Variants in ENTPD1 observed in about 807,000 individuals in gnomAD.
The protein encoded by ENTPD1 is ATP diphosphohydrolase.
A neutral mutation model predicts 57.0 loss-of-function variants in ENTPD1; 33 were observed. The observed-to-expected ratio is 0.58, with a 90% CI of 0.44 to 0.77. The LOEUF is 0.77. Ranked by LOEUF, ENTPD1 falls within the 30% of genes least tolerant of loss-of-function variation. ENTPD1 has a pLI of 0.00. For missense variants in ENTPD1, 501 were observed against 603.4 expected (o/e 0.83, Z 1.78); for synonymous variants, 202 against 218.8 (o/e 0.92, Z 0.68).
At chr10:95,750,436 T>C (rs971945830) in intron 1 of ENTPD1, among the ~76,000 whole-genome samples, 1 of 152,116 alleles carries the variant, frequency 6.6e-6, no homozygotes, top group Non-Finnish European at 1.5e-5. Flanking sequence ...CCTTTCTCTC[T>C]CGTGCTCCCT....
chr10:95,827,728 C>T (rs1007236403), intron 2 of ENTPD1, among the ~76,000 whole-genome samples: 1 of 152,116 alleles, frequency 6.6e-6, no homozygotes, highest in African/African-American at 2.4e-5. Context: ...ATGATCTGCC[C>T]ACCTTGGCCT....
chr10:95,708,827 T>A (rs1159867099), upstream of ENTPD1, among the ~76,000 whole-genome samples: 2 of 152,070 alleles, frequency 1.3e-5, no homozygotes, highest in Non-Finnish European at 2.9e-5. Context: ...AGTTAAACAA[T>A]GTTTGTGTGG....
chr10:95,726,890 T>A (rs2097984234), intron 1 of ENTPD1, among the ~76,000 whole-genome samples: 1 of 152,156 alleles, frequency 6.6e-6, no homozygotes, highest in Non-Finnish European at 1.5e-5. Context: ...CCCAAATTCA[T>A]CCTTTTGAAC....
chr10:95,827,808 T>C (rs1215808291), intron 2 of ENTPD1, among the ~76,000 whole-genome samples: 1 of 152,348 alleles, frequency 6.6e-6, no homozygotes, highest in Non-Finnish European at 1.5e-5. Context: ...TAATGAGATA[T>C]GTTACATTCT....
At chr10:95,865,252 CTTG>C (rs1346679167) in intron 9 of ENTPD1, among the ~76,000 whole-genome samples, 1 of 152,168 alleles carries the variant, frequency 6.6e-6, no homozygotes, top group Non-Finnish European at 1.5e-5. Flanking sequence ...TTTCATCATC[CTTG>C]TTGGTTATTA....
Position 95,867,867 on chromosome 10 carries a change from C to T in ENTPD1, c.*1484C>T. 1.0e-6 allele frequency: 1 copy of T among 985,426 alleles called. No individual in the cohort carries two copies. The highest frequency in any genetic ancestry group is 1.2e-6 in the Non-Finnish European group (1 of 829,930). 61.0% of individuals were successfully genotyped at this position (985,426 alleles called of 1,614,324 possible). A position where few individuals can be genotyped will look rare whatever the true frequency, so the allele number is the denominator to read the frequency against. ...TCTTGAATGATCAAGTCACTTTTGACAACATCCAGGTGAATATAAAAACTT... is the reference window on the plus strand; with the variant it reads ...TCTTGAATGATCAAGTCACTTTTGATAACATCCAGGTGAATATAAAAACTT... On this transcript the variant is annotated 3_prime_UTR_variant, in exon 10 of 10. Coordinates refer to ENST00000371205, the MANE Select transcript of ENTPD1 (RefSeq NM_001776.6).
intron 1 of ENTPD1, among the ~76,000 whole-genome samples, chr10:95,770,440 T>A (rs528796252): frequency 1.3e-5 from 2 of 152,234 alleles, no homozygotes; most frequent in East Asian, 1.9e-4. Flanking sequence ...GCACAGTGAA[T>A]GTTGAAAGTT....
intron 1 of ENTPD1, among the ~76,000 whole-genome samples, chr10:95,814,556 C>A (rs929772107): frequency 3.3e-5 from 5 of 150,692 alleles, no homozygotes; most frequent in Admixed American, 6.6e-5. Flanking sequence ...TTGTTCTGCA[C>A]CCCCACCCAC....
In ENTPD1 at chr10:95,866,378, G is replaced by C; in HGVS notation, c.1528G>C (p.Val510Leu). ...GCCTTCATATTTCTGGAAAGATATG[G>C]TATAGCAAAAGCAGCTGAAATATGC... ...HKPSYFWKDM[V>L] The change falls in exon 10 of 10, where the codon GTA becomes CTA. Residue 510 changes from valine to leucine, a missense_variant. Transcript: ENST00000371205. The C allele has an allele frequency of 3.7e-6, 6 of 1,614,032 alleles. No individual in the cohort carries two copies. The highest frequency in any genetic ancestry group is 5.1e-6 in the Non-Finnish European group (6 of 1,180,000).
rs1246300109 is a variant in ENTPD1 at position 95,860,491 on chromosome 10, T to G, written c.1097T>G (p.Val366Gly). ...TAGGCATTTTCAGCTTTTTACTTTG[T>G]GATGAAGTTTTTAAACTTGACATCA... Reference protein sequence around the residue: ...DFGAFSAFYFVMKFLNLTSEK... With the variant: ...DFGAFSAFYFGMKFLNLTSEK... Residue 366 changes from valine to glycine, a missense_variant, in exon 8 of 10, where the codon GTG becomes GGG. Coordinates refer to ENST00000371205, the MANE Select transcript of ENTPD1 (RefSeq NM_001776.6). 2 of 1,613,746 alleles carry G rather than the reference T, an allele frequency of 1.2e-6. No homozygotes were observed. Among genetic ancestry groups the G allele is most frequent in the Non-Finnish European group, 1.7e-6 (2 of 1,179,746 alleles).
At chr10:95,851,137 A>G (rs530113202) in intron 7 of ENTPD1, among the ~76,000 whole-genome samples, 40 of 152,320 alleles carry the variant, frequency 2.6e-4, no homozygotes, top group Non-Finnish European at 2.5e-4. Flanking sequence ...TGCTGTTTAT[A>G]TAAATAAGAA....
chr10:95,749,278 C>A (rs560081057), intron 1 of ENTPD1, among the ~76,000 whole-genome samples: 1 of 152,144 alleles, frequency 6.6e-6, no homozygotes, highest in African/African-American at 2.4e-5. Flanking sequence ...ATAATGAATT[C>A]GTTCTAAAGG....
chr10:95,737,230 G>T (rs1375266547), intron 1 of ENTPD1, among the ~76,000 whole-genome samples: 3 of 140,866 alleles, frequency 2.1e-5, no homozygotes, highest in Non-Finnish European at 4.7e-5. Context: ...TCTAGTGGGG[G>T]AGTAAGATAT....
At position 95,871,882 on chromosome 10, in the gene ENTPD1, GTTC is replaced by G. The variant is rs1030289662; in HGVS notation, c.*5501_*5503del. ...AAATAACATCACCTCTTCTAATGAA[GTTC>G]TAAGAAGAGAGGGAAGAAAAAGTCT... On this transcript the variant is annotated 3_prime_UTR_variant, in exon 10 of 10. Transcript: ENST00000371205. The G allele has an allele frequency of 7.1e-5, 70 of 985,336 alleles. No individual in the cohort carries two copies. In the African/African-American group the frequency reaches 1.1e-3, roughly 16 times the overall value. 61.0% of individuals were successfully genotyped at this position (985,336 alleles called of 1,614,324 possible). A position where few individuals can be genotyped will look rare whatever the true frequency, so the allele number is the denominator to read the frequency against.
At chr10:95,717,963 A>G (rs1589638654) in intron 1 of ENTPD1, among the ~76,000 whole-genome samples, 1 of 152,186 alleles carries the variant, frequency 6.6e-6, no homozygotes, top group African/African-American at 2.4e-5. Flanking sequence ...CTTAACAAGG[A>G]GCTTAAACAT....
rs1454315204 is a variant in ENTPD1 at position 95,868,624 on chromosome 10, A to G, written c.*2241A>G. The G allele has an allele frequency of 2.4e-5, 24 of 982,830 alleles. No individual in the cohort carries two copies. The highest frequency in any genetic ancestry group is 2.3e-4 in the East Asian group (2 of 8,804). The allele number at this position is 982,830 out of a possible 1,614,324, so 60.9% of individuals were successfully genotyped here. On this transcript the variant is annotated 3_prime_UTR_variant, in exon 10 of 10. Coordinates refer to ENST00000371205, the MANE Select transcript of ENTPD1 (RefSeq NM_001776.6). The stretch of plus-strand genomic sequence containing the variant: ...TCTATTCTGACCCTCACAACAACCC[A>G]TAAGGGTGTAAATAGTATTTCCATT...
intron 1 of ENTPD1, among the ~76,000 whole-genome samples, chr10:95,740,270 C>T (rs2097998984): frequency 1.3e-5 from 2 of 152,182 alleles, no homozygotes; most frequent in South Asian, 4.1e-4. Flanking sequence ...GGACTACAGA[C>T]ACGTGCCACC....
chr10:95,850,344 T>TTTTTG lies in ENTPD1; in HGVS notation c.1074+2653_1074+2657dup, dbSNP rs1177975228. 9.8e-5 allele frequency among the ~76,000 whole-genome samples: 15 copies of TTTTTG among 152,306 alleles called. No individual in the cohort carries two copies. In the East Asian group the frequency reaches 1.5e-3, roughly 16 times the overall value. On this transcript the variant is annotated intron_variant, in intron 7 of 9. Coordinates refer to ENST00000371205, the MANE Select transcript of ENTPD1 (RefSeq NM_001776.6). ...TCATTCTGCTTCAGATTTTTGATGTTTTTTGTTTTGTTTTGTTTTATGCCC... is the reference window on the plus strand; with the variant it reads ...TCATTCTGCTTCAGATTTTTGATGTTTTTTGTTTTGTTTTGTTTTGTTTTATGCCC...
intron 1 of ENTPD1, among the ~76,000 whole-genome samples, chr10:95,810,830 C>T (rs1245202507): frequency 6.6e-6 from 1 of 152,176 alleles, no homozygotes; most frequent in Non-Finnish European, 1.5e-5. Context: ...TCTCTAACTC[C>T]ACCTACCTTC....
Sources: allele counts gnomAD v4.1 joint callset (sites outside exome capture counted in the v4.1 genomes callset), GRCh38; gene constraint gnomAD v4.1.1; transcripts MANE v1.5; gene names NCBI Gene and HGNC (gene_info 2026-07-23, HGNC 2026-07-21).